The following RERE variants were observed in gnomAD, a reference collection of about 807,000 sequenced individuals.
The protein encoded by RERE is arginine-glutamic acid dipeptide repeats.
In RERE, 40 loss-of-function variants were observed where a neutral mutation model predicts 146.1. The ratio of observed to expected loss-of-function variants is 0.27; its 90% CI spans 0.21 to 0.36. The LOEUF is 0.36. Ranked by LOEUF, RERE falls within the 10% of genes least tolerant of loss-of-function variation. The pLI is 1.00. For missense variants in RERE, 1,933 were observed against 2,138.7 expected (o/e 0.90, Z 1.90); for synonymous variants, 1,003 against 866.0 (o/e 1.16, Z -2.78).
chr1:8,369,562 G>A (rs1481914953), intron 12 of RERE, among the ~76,000 whole-genome samples: 1 of 143,090 alleles, frequency 7.0e-6, no homozygotes, highest in African/African-American at 2.7e-5. Flanking sequence ...GACCAGGCAG[G>A]AAGGACTGTC....
chr1:8,489,093 C>T (rs921835294), intron 10 of RERE, among the ~76,000 whole-genome samples: 1 of 152,000 alleles, frequency 6.6e-6, no homozygotes, highest in Middle Eastern at 3.4e-3. Flanking sequence ...GTCTTAATCC[C>T]GGCATTTTGG....
intron 12 of RERE, among the ~76,000 whole-genome samples, chr1:8,401,985 C>T (rs1643277481): frequency 6.6e-6 from 1 of 152,106 alleles, no homozygotes; most frequent in Non-Finnish European, 1.5e-5. Context: ...ATTCTTCTGC[C>T]TCAGCCTCCC....
At chr1:8,357,018 C>T (rs889785116) in intron 20 of RERE, among the ~76,000 whole-genome samples, 1 of 152,204 alleles carries the variant, frequency 6.6e-6, no homozygotes, top group Non-Finnish European at 1.5e-5. Flanking sequence ...CCTCTCCTGA[C>T]GGCCTTCTCG....
intron 10 of RERE, among the ~76,000 whole-genome samples, chr1:8,493,768 T>C (rs747532490): frequency 1.3e-5 from 2 of 152,158 alleles, no homozygotes; most frequent in African/African-American, 2.4e-5. Flanking sequence ...ATTTGGTTAA[T>C]CATCAGAAGA....
intron 1 of RERE, among the ~76,000 whole-genome samples, chr1:8,730,531 C>T (rs553420054): frequency 6.6e-6 from 1 of 152,216 alleles, no homozygotes; most frequent in African/African-American, 2.4e-5. Flanking sequence ...TTAGTAGAGA[C>T]AGGGTTTCAC....
chr1:8,401,890 A>C (rs1643273516), intron 12 of RERE, among the ~76,000 whole-genome samples: 1 of 152,056 alleles, frequency 6.6e-6, no homozygotes, highest in South Asian at 2.1e-4. Flanking sequence ...TTTTTGAGAC[A>C]GAGTCTTGCT....
At position 8,746,757 on chromosome 1, in the gene RERE, G is replaced by C. The variant is rs1350326073; in HGVS notation, c.-145+70403C>G. On this transcript the variant is annotated intron_variant, in intron 1 of 22. Transcript: ENST00000400908. ...GGACACCTGGCAGATAAGAGAAACA[G>C]CAAGAAGGCCTGTGTGGCTGGGGCA... Among the ~76,000 whole-genome samples, 3 of 150,520 alleles carry C rather than the reference G, an allele frequency of 2.0e-5. No individual in the cohort carries two copies. In the South Asian group the frequency reaches 6.4e-4, roughly 32 times the overall value.
At chr1:8,499,859 C>T (rs1645105250) in intron 8 of RERE, among the ~76,000 whole-genome samples, 2 of 152,192 alleles carry the variant, frequency 1.3e-5, no homozygotes, top group African/African-American at 4.8e-5. Flanking sequence ...GTGGCTCACG[C>T]CTGTAATCCC....
intron 3 of RERE, among the ~76,000 whole-genome samples, chr1:8,617,454 C>T: frequency 6.6e-6 from 1 of 151,754 alleles, no homozygotes. Flanking sequence ...GATATAATAG[C>T]TGAAAATACT....
At chr1:8,715,175 A>G (rs1453551950) in intron 1 of RERE, among the ~76,000 whole-genome samples, 1 of 150,116 alleles carries the variant, frequency 6.7e-6, no homozygotes, top group Non-Finnish European at 1.5e-5. Context: ...CCCAGCCCAC[A>G]ATATTTGTTT....
At chr1:8,532,418 T>G (rs200299456) in intron 7 of RERE, among the ~76,000 whole-genome samples, 4 of 84,744 alleles carry the variant, frequency 4.7e-5, no homozygotes, top group Non-Finnish European at 4.7e-5. Context: ...CTCTTTTATT[T>G]GGGGGGGGTC....
chr1:8,803,278 G>A (rs1488574074), intron 1 of RERE, among the ~76,000 whole-genome samples: 1 of 151,996 alleles, frequency 6.6e-6, no homozygotes, highest in East Asian at 1.9e-4. Flanking sequence ...GACCATCCTG[G>A]CCAACATGGT....
intron 4 of RERE, among the ~76,000 whole-genome samples, chr1:8,562,653 T>A (rs1029204847): frequency 6.6e-6 from 1 of 152,130 alleles, no homozygotes; most frequent in Non-Finnish European, 1.5e-5. Flanking sequence ...ATTTTTAAAA[T>A]TTTTTTGTAG....
intron 11 of RERE, among the ~76,000 whole-genome samples, chr1:8,434,134 C>G (rs1313981880): frequency 1.3e-5 from 2 of 152,196 alleles, no homozygotes; most frequent in Non-Finnish European, 2.9e-5. Context: ...CCACCACTAG[C>G]AACCCCCAGT....
At chr1:8,368,588 A>G (rs1009544047) in intron 12 of RERE, among the ~76,000 whole-genome samples, 4 of 152,146 alleles carry the variant, frequency 2.6e-5, no homozygotes, top group Non-Finnish European at 4.4e-5. Flanking sequence ...GTGGTACCTG[A>G]GCCTCTGCCA....
chr1:8,810,609 AAAATTT>A (rs1327329563), intron 1 of RERE, among the ~76,000 whole-genome samples: 2 of 152,150 alleles, frequency 1.3e-5, no homozygotes, highest in Non-Finnish European at 2.9e-5. Flanking sequence ...CTTTCCTCAA[AAAATTT>A]AAATTTAAAT....
intron 2 of RERE, among the ~76,000 whole-genome samples, chr1:8,641,138 G>T (rs1647170876): frequency 6.6e-6 from 1 of 152,076 alleles, no homozygotes; most frequent in South Asian, 2.1e-4. Context: ...CAAACACATG[G>T]GTCAATGTCA....
chr1:8,650,164 T>G (rs1557457537), intron 2 of RERE, among the ~76,000 whole-genome samples: 1 of 152,340 alleles, frequency 6.6e-6, no homozygotes, highest in East Asian at 1.9e-4. Flanking sequence ...AAGACCTGGT[T>G]GTGACAACGC....
At chr1:8,767,777 AC>A (rs1302608769) in intron 1 of RERE, among the ~76,000 whole-genome samples, 5 of 152,216 alleles carry the variant, frequency 3.3e-5, no homozygotes, top group African/African-American at 1.2e-4. Flanking sequence ...AGCCTGGCCA[AC>A]ATGGTGAAAC....
Sources: allele counts gnomAD v4.1 joint callset (sites outside exome capture counted in the v4.1 genomes callset), GRCh38; gene constraint gnomAD v4.1.1; transcripts MANE v1.5; gene names NCBI Gene and HGNC (gene_info 2026-07-23, HGNC 2026-07-21).